FRMPD4: variants seen among roughly 807,000 people sequenced by gnomAD.
FRMPD4 encodes the protein FERM and PDZ domain containing 4.
FRMPD4 carries 22 observed loss-of-function variants against 94.1 expected under a neutral mutation model. The observed-to-expected ratio is 0.23, with a 90% confidence interval of 0.17 to 0.33. The LOEUF (loss-of-function observed/expected upper bound fraction) is 0.33. Among genes scored for constraint, FRMPD4 ranks in the 10% least tolerant of loss-of-function variants. The pLI is 1.00. For missense variants in FRMPD4, 1,111 were observed against 1,339.9 expected (o/e 0.83, Z 2.67); for synonymous variants, 631 against 548.6 (o/e 1.15, Z -2.10).
At chrX:12,405,121 A>G (rs1474675830) in intron 1 of FRMPD4, among the ~76,000 whole-genome samples, 1 of 111,812 alleles carries the variant, frequency 8.9e-6, no homozygotes, top group Non-Finnish European at 1.9e-5. Context: ...GTATTTTTAA[A>G]AGCTCTCCAA....
intron 3 of FRMPD4, among the ~76,000 whole-genome samples, chrX:11,977,263 C>T (rs150881533): frequency 2.7e-5 from 3 of 112,072 alleles, no homozygotes; most frequent in Non-Finnish European, 5.6e-5. Context: ...GGAGTCTATA[C>T]AATGGTGGTA....
intron 3 of FRMPD4, among the ~76,000 whole-genome samples, chrX:12,061,181 G>T (rs1183979192): frequency 1.8e-5 from 2 of 111,904 alleles, no homozygotes; most frequent in African/African-American, 6.5e-5. Context: ...AGAAAGAAGG[G>T]TGTGGGGGAG....
At chrX:12,041,431 G>A (rs1399181909) in intron 3 of FRMPD4, among the ~76,000 whole-genome samples, 1 of 111,874 alleles carries the variant, frequency 8.9e-6, no homozygotes, top group East Asian at 2.8e-4. Flanking sequence ...AGTTTTGCTG[G>A]ACAGAATTCT....
At chrX:12,076,991 C>T (rs1026104512) in intron 3 of FRMPD4, among the ~76,000 whole-genome samples, 15 of 111,828 alleles carry the variant, frequency 1.3e-4, no homozygotes, top group African/African-American at 3.6e-4. Flanking sequence ...AGTGGCACAG[C>T]GTTGCATTTT....
chrX:11,926,554 C>T (rs2054089712), intron 3 of FRMPD4, among the ~76,000 whole-genome samples: 1 of 111,998 alleles, frequency 8.9e-6, no homozygotes, highest in East Asian at 2.8e-4. Context: ...TGAAGCTTAT[C>T]CATTACAATC....
At chrX:12,140,220 G>A (rs1239083029) in intron 1 of FRMPD4, among the ~76,000 whole-genome samples, 2 of 112,199 alleles carry the variant, frequency 1.8e-5, no homozygotes, top group East Asian at 5.6e-4. Flanking sequence ...CATGCCACTA[G>A]CAGATTTCCC....
At chrX:12,192,991 A>T (rs997102994) in intron 1 of FRMPD4, among the ~76,000 whole-genome samples, 2 of 111,949 alleles carry the variant, frequency 1.8e-5, no homozygotes, top group African/African-American at 6.5e-5. Flanking sequence ...TGCTTTAAAA[A>T]TTTTGTTGGG....
intron 1 of FRMPD4, among the ~76,000 whole-genome samples, chrX:12,299,490 C>T (rs759268404): frequency 4.6e-5 from 5 of 109,739 alleles, no homozygotes; most frequent in Non-Finnish European, 9.5e-5. Context: ...AAGGAATAAG[C>T]GCCAAGACAA....
chrX:11,950,875 T>A (rs2054218385), intron 3 of FRMPD4, among the ~76,000 whole-genome samples: 1 of 109,892 alleles, frequency 9.1e-6, no homozygotes, highest in Non-Finnish European at 1.9e-5. Flanking sequence ...CTGGCCAACA[T>A]GGTGAAACCC....
chrX:12,675,686 C>T (rs951642793), intron 5 of FRMPD4, among the ~76,000 whole-genome samples: 2 of 111,653 alleles, frequency 1.8e-5, no homozygotes, highest in South Asian at 3.8e-4. Context: ...AAATTTCATA[C>T]GTTGTCAGTT....
chrX:12,171,434 C>T (rs1014306195), intron 1 of FRMPD4, among the ~76,000 whole-genome samples: 3 of 111,780 alleles, frequency 2.7e-5, no homozygotes, highest in African/African-American at 9.8e-5. Context: ...TTCTGAGATC[C>T]TGGAGGCCTT....
intron 1 of FRMPD4, among the ~76,000 whole-genome samples, chrX:12,394,274 T>C (rs1236044207): frequency 9.0e-6 from 1 of 111,587 alleles, no homozygotes; most frequent in African/African-American, 3.3e-5. Flanking sequence ...CATATATCTC[T>C]GTGCTGAAGC....
At chrX:12,628,211 T>C (rs2059364106) in intron 4 of FRMPD4, among the ~76,000 whole-genome samples, 1 of 111,963 alleles carries the variant, frequency 8.9e-6, no homozygotes, top group Non-Finnish European at 1.9e-5. Flanking sequence ...CTAATATTTA[T>C]TTCAAATCCC....
chrX:11,964,656 T>G (rs1461035036), intron 3 of FRMPD4, among the ~76,000 whole-genome samples: 1 of 112,304 alleles, frequency 8.9e-6, no homozygotes, highest in Non-Finnish European at 1.9e-5. Flanking sequence ...GTCTGTATCA[T>G]TGGGTACTAG....
chrX:12,184,302 CAG>C (rs1487249902), intron 1 of FRMPD4, among the ~76,000 whole-genome samples: 1 of 111,428 alleles, frequency 9.0e-6, no homozygotes, highest in Admixed American at 9.6e-5. Flanking sequence ...CTAGATATTA[CAG>C]AGATGGCATT....
chrX:11,848,283 A>G (rs1482434821), intron 1 of FRMPD4, among the ~76,000 whole-genome samples: 2 of 110,660 alleles, frequency 1.8e-5, no homozygotes, highest in African/African-American at 3.3e-5. Flanking sequence ...TTACTCTGAG[A>G]TTTGTGGCTG....
At chrX:11,851,924 G>A (rs1415400283) in intron 1 of FRMPD4, among the ~76,000 whole-genome samples, 2 of 91,505 alleles carry the variant, frequency 2.2e-5, no homozygotes, top group East Asian at 6.8e-4. Context: ...CAGTTTACCT[G>A]AAGTAACTTA....
At chrX:12,331,490 G>A (rs941339568) in intron 1 of FRMPD4, among the ~76,000 whole-genome samples, 3 of 99,666 alleles carry the variant, frequency 3.0e-5, no homozygotes, top group Non-Finnish European at 6.0e-5. Flanking sequence ...AGAACAAAAG[G>A]CATTTTGAAA....
chrX:11,967,188 C>A (rs1305859676), intron 3 of FRMPD4, among the ~76,000 whole-genome samples: 1 of 112,184 alleles, frequency 8.9e-6, no homozygotes, highest in Non-Finnish European at 1.9e-5. Flanking sequence ...TGGGCTCAAG[C>A]AATCCTTTCC....
Sources: allele counts gnomAD v4.1 joint callset (sites outside exome capture counted in the v4.1 genomes callset), GRCh38; gene constraint gnomAD v4.1.1; transcripts MANE v1.5; gene names NCBI Gene and HGNC (gene_info 2026-07-23, HGNC 2026-07-21).